POGZ: variants seen among roughly 807,000 people sequenced by gnomAD.
The protein encoded by POGZ is pogo transposable element derived with ZNF domain.
Under a neutral mutation model 134.6 loss-of-function variants are expected in POGZ, and 17 were observed. The observed-to-expected ratio is 0.13, with a 90% CI of 0.09 to 0.19. The LOEUF is 0.19. Among genes scored for constraint, POGZ ranks in the 10% least tolerant of loss-of-function variants. POGZ has a pLI of 1.00. For synonymous variants in POGZ, 693 were observed against 657.1 expected (o/e 1.05, Z -0.84); for missense variants, 1,306 against 1,769.7 (o/e 0.74, Z 4.70).
Position 151,424,980 on chromosome 1 carries a change from G to T in POGZ, c.1160C>A (p.Thr387Asn). Residue 387 changes from threonine to asparagine, a missense_variant, in exon 8 of 19, where the codon ACT (threonine) becomes AAT (asparagine). Around this residue, in one of 10 missense-constraint regions of POGZ, gnomAD observed 541 missense variants for 680.5 expected, o/e 0.80. Coordinates refer to ENST00000271715, the MANE Select transcript of POGZ (RefSeq NM_015100.4). ...CPRCNAQFRV[T>N]EALRGHMCYC... Reference sequence around the variant, plus strand: ...ACACATGTGACCTCTCAAAGCTTCAGTAACACGAAATTGAGCATTACATCG... The same window carrying T: ...ACACATGTGACCTCTCAAAGCTTCATTAACACGAAATTGAGCATTACATCG... 6.3e-7 allele frequency: 1 copy of T among 1,593,290 alleles called. No homozygotes were observed. Among genetic ancestry groups the T allele is most frequent in the South Asian group, 1.1e-5 (1 of 88,780 alleles).
At chr1:151,406,713 C>A (rs1221929571) in intron 17 of POGZ, 82 bp from the exon 18 acceptor site, 2 of 1,230,124 alleles carry the variant, frequency 1.6e-6, no homozygotes, top group East Asian at 2.3e-5. Flanking sequence ...ATTCAACTTA[C>A]TACATACAAA....
At chr1:151,439,861 A>T (rs59506235) in intron 3 of POGZ, among the ~76,000 whole-genome samples, 2,519 of 152,316 alleles carry the variant, frequency 0.017, 85 homozygotes, top group African/African-American at 0.058. Context: ...GCGAGAAAAG[A>T]TACAGAGATA....
intron 12 of POGZ, 40 bp downstream of exon 12, chr1:151,411,585 A>AG (rs1216988658): frequency 6.7e-6 from 10 of 1,498,378 alleles, no homozygotes; most frequent in Non-Finnish European, 9.1e-6. Context: ...TTAAAAAAAA[A>AG]AAAAACAAGA....
At chr1:151,452,015 T>A (rs571209887) in intron 1 of POGZ, among the ~76,000 whole-genome samples, 2 of 148,108 alleles carry the variant, frequency 1.4e-5, no homozygotes, top group East Asian at 4.0e-4. Flanking sequence ...GAGAATTGCT[T>A]GAACCCGGGA....
chr1:151,446,174 C>T (rs1571559307), intron 1 of POGZ, among the ~76,000 whole-genome samples: 1 of 22,320 alleles, frequency 4.5e-5, no homozygotes, highest in East Asian at 1.8e-3. Flanking sequence ...GAAAATGTGC[C>T]CTCAAAAAAA....
intron 1 of POGZ, among the ~76,000 whole-genome samples, chr1:151,458,580 AC>A (rs1663060714): frequency 6.8e-6 from 1 of 147,572 alleles, no homozygotes; most frequent in Non-Finnish European, 1.5e-5. Flanking sequence ...AGGGCCGCGC[AC>A]CCCCACCCCC....
At chr1:151,443,422 G>A (rs188939762) in intron 1 of POGZ, among the ~76,000 whole-genome samples, 4 of 152,238 alleles carry the variant, frequency 2.6e-5, no homozygotes, top group Admixed American at 1.3e-4. Context: ...AGTCTGAGCC[G>A]GGTGCAGTGG....
chr1:151,421,897 C>A (rs939045605), intron 10 of POGZ, among the ~76,000 whole-genome samples: 4 of 152,056 alleles, frequency 2.6e-5, no homozygotes, highest in African/African-American at 7.2e-5. Context: ...GGATTACCTG[C>A]GCACACCACC....
rs1403467812 is a variant in POGZ at position 151,402,837 on chromosome 1, T to C, written c.*1965A>G. On this transcript the variant is annotated 3_prime_UTR_variant, in exon 19 of 19. Coordinates refer to ENST00000271715, the MANE Select transcript of POGZ (RefSeq NM_015100.4). ...GGCAGAGTCCACAAAGACAACTTCC[T>C]GGCCAAAACCCAGCTGATCCACTGT... is the stretch of plus-strand genomic sequence containing the variant. 1 of 152,566 alleles carries C rather than the reference T, an allele frequency of 6.6e-6. No individual in the cohort carries two copies. The highest frequency in any genetic ancestry group is 1.5e-5 in the Non-Finnish European group (1 of 68,038). 9.5% of individuals were successfully genotyped at this position (152,566 alleles called of 1,614,324 possible). A position where few individuals can be genotyped will look rare whatever the true frequency, so the allele number is the denominator to read the frequency against.
intron 4 of POGZ, among the ~76,000 whole-genome samples, chr1:151,429,914 ACAAG>A (rs1658417456): frequency 6.6e-6 from 1 of 152,178 alleles, no homozygotes; most frequent in South Asian, 2.1e-4. Context: ...AAATTAGAGA[ACAAG>A]CTTTGGTACA....
intron 1 of POGZ, among the ~76,000 whole-genome samples, chr1:151,453,772 AT>A (rs1319584974): frequency 6.6e-6 from 1 of 152,168 alleles, no homozygotes. Flanking sequence ...GAAGGGGACT[AT>A]TTCTTAAATG....
At position 151,404,980 on chromosome 1, in the gene POGZ, G is replaced by A. The variant is rs1409074652; in HGVS notation, c.4055C>T (p.Ser1352Phe). 2 of 1,614,190 alleles carry A rather than the reference G, an allele frequency of 1.2e-6. No individual in the cohort carries two copies. Among genetic ancestry groups the A allele is most frequent in the Non-Finnish European group, 1.7e-6 (2 of 1,180,028 alleles). ...NADMQEELIASLEEQLKLSGE... is the reference protein window; with the variant it reads ...NADMQEELIAFLEEQLKLSGE... The stretch of plus-strand genomic sequence containing the variant: ...ACTCAGCTTCAGTTGCTCCTCTAGG[G>A]AGGCAATTAGCTCCTCCTGCATGTC... The change falls in exon 19 of 19, where the codon TCC (serine) becomes TTC (phenylalanine). Residue 1352 changes from serine to phenylalanine, a missense_variant. By Grantham distance (155) the Ser-to-Phe change is radical (BLOSUM62 -2). This residue lies in a region of POGZ where 107 missense variants were observed against 97.9 expected (regional missense o/e 1.09). Transcript: ENST00000271715.
At chr1:151,445,494 C>T (rs1231919521) in intron 1 of POGZ, among the ~76,000 whole-genome samples, 1 of 147,548 alleles carries the variant, frequency 6.8e-6, no homozygotes, top group Non-Finnish European at 1.5e-5. Flanking sequence ...TGCACTCCAG[C>T]CTGGGCAACA....
intron 3 of POGZ, among the ~76,000 whole-genome samples, chr1:151,434,475 C>T (rs1270764913): frequency 6.6e-6 from 1 of 152,118 alleles, no homozygotes; most frequent in Admixed American, 6.6e-5. Context: ...AGTGAGACCC[C>T]ATCTTGAACA....
intron 8 of POGZ, 127 bp from the exon 9 acceptor site, chr1:151,424,413 G>GT (rs1000329617): frequency 2.8e-4 from 170 of 604,832 alleles, no homozygotes; most frequent in Admixed American, 4.7e-4. Flanking sequence ...TCACCCTTCA[G>GT]TTTTTTTTAG....
At position 151,405,148 on chromosome 1, in the gene POGZ, A is replaced by G. The variant is rs774570324; in HGVS notation, c.3887T>C (p.Val1296Ala). 3.0e-5 allele frequency: 49 copies of G among 1,614,140 alleles called. 2 individuals are homozygous for G. The South Asian group carries it at 5.4e-4, about 18-fold the overall frequency. Residue 1296 changes from valine to alanine, a missense_variant, in exon 19 of 19, where the codon GTC (valine) becomes GCC (alanine). Val to Ala is a moderately conservative substitution (Grantham distance 64). Around this residue, in one of 10 missense-constraint regions of POGZ, gnomAD observed 67 missense variants for 105.8 expected, o/e 0.63. Coordinates refer to ENST00000271715, the MANE Select transcript of POGZ (RefSeq NM_015100.4). This position sits in a 1 kb window ranked among gnomAD's most constrained non-coding sequence, Gnocchi z 4.9. ...CCAGACAAGCACCAGCTGAAGCAGG[A>G]CATCAGAATCACATGCAGTATCTGC... is the stretch of plus-strand genomic sequence containing the variant. ...EMADTACDSD[V>A]LLQLVLVWLG...
intron 12 of POGZ, among the ~76,000 whole-genome samples, chr1:151,409,553 T>TC (rs1422286939): frequency 6.6e-6 from 1 of 151,996 alleles, no homozygotes; most frequent in Admixed American, 6.6e-5. Flanking sequence ...CCCAGGCTGG[T>TC]CTTCAACTCC....
intron 1 of POGZ, among the ~76,000 whole-genome samples, chr1:151,447,497 G>C (rs1661439248): frequency 6.6e-6 from 1 of 151,404 alleles, no homozygotes; most frequent in South Asian, 2.1e-4. Flanking sequence ...TCTCATCCAG[G>C]CTGGAGTACA....
intron 10 of POGZ, among the ~76,000 whole-genome samples, chr1:151,413,390 A>C (rs1655027624): frequency 6.6e-6 from 1 of 152,054 alleles, no homozygotes; most frequent in Non-Finnish European, 1.5e-5. Flanking sequence ...AGTCTCCCAA[A>C]GTGCTAGAAT....
Sources: allele counts gnomAD v4.1 joint callset (sites outside exome capture counted in the v4.1 genomes callset), GRCh38; gene constraint gnomAD v4.1.1; regional missense constraint gnomAD v4.1.1; non-coding constraint Gnocchi (gnomAD v3.1); transcripts MANE v1.5; gene names NCBI Gene and HGNC (gene_info 2026-07-23, HGNC 2026-07-21).